UNC50: variants seen among roughly 807,000 people sequenced by gnomAD.
UNC50 encodes the protein unc-50 inner nuclear membrane RNA binding protein, also known as protein unc-50 homolog.
Under a neutral mutation model 31.5 loss-of-function variants are expected in UNC50, and 24 were observed. The observed-to-expected ratio is 0.76, with a 90% confidence interval of 0.55 to 1.07. The LOEUF is 1.07. Ranked by LOEUF, UNC50 falls within the 50% of genes least tolerant of loss-of-function variation. The pLI is 0.00. For synonymous variants in UNC50, 118 were observed against 114.7 expected, an observed-to-expected ratio of 1.03 and a Z score of -0.18; for missense variants, 245 against 304.2, an observed-to-expected ratio of 0.81 and a Z score of 1.45.
chr2:98,609,578 TCCCAAGC>T (rs1399053581), intron 1 of UNC50, 171 bp from the exon 2 acceptor site: 1 of 922,236 alleles, frequency 1.1e-6, no homozygotes, highest in Non-Finnish European at 1.7e-6. Flanking sequence ...AGTCTGCGGT[TCCCAAGC>T]CCCAAGACCC....
At chr2:98,611,432 A>G (rs1374609860) in intron 3 of UNC50, among the ~76,000 whole-genome samples, 1 of 152,220 alleles carries the variant, frequency 6.6e-6, no homozygotes, top group Admixed American at 6.5e-5. Context: ...TGTGAGAGGC[A>G]GGTACAGGAA....
intron 5 of UNC50, among the ~76,000 whole-genome samples, chr2:98,617,468 C>T (rs1259958627): frequency 6.6e-6 from 1 of 152,182 alleles, no homozygotes; most frequent in African/African-American, 2.4e-5. Flanking sequence ...AACACTGCAG[C>T]ACTGTGGTTT....
At chr2:98,611,246 G>A (rs1700823424) in intron 3 of UNC50, among the ~76,000 whole-genome samples, 1 of 152,156 alleles carries the variant, frequency 6.6e-6, no homozygotes, top group Non-Finnish European at 1.5e-5. Context: ...CAAGGTGGTC[G>A]GGGCACAGCT....
rs144190874 is a variant in UNC50 at position 98,611,206 on chromosome 2, C to T, written c.401+311C>T. Among the ~76,000 whole-genome samples the T allele has an allele frequency of 1.1e-4, 16 of 152,368 alleles. No homozygotes were observed. The East Asian group carries it at 2.7e-3, about 26-fold the overall frequency. Reference sequence around the variant, plus strand: ...CAAAGTTAAGGACATGCCTGTGACACAGCCTTAGGAGGTCCTGATGACATG... The same window carrying T: ...CAAAGTTAAGGACATGCCTGTGACATAGCCTTAGGAGGTCCTGATGACATG... On this transcript the variant is annotated intron_variant, in intron 3 of 5. Coordinates refer to ENST00000357765, the MANE Select transcript of UNC50 (RefSeq NM_014044.7).
chr2:98,618,139 A>AAATC (rs780397507), intron 5 of UNC50, 29 bp from the exon 6 acceptor site: 18 of 1,165,616 alleles, frequency 1.5e-5, no homozygotes, highest in East Asian at 1.5e-4. Context: ...TTTTTTTTTT[A>AAATC]AATCAGTTTG....
chr2:98,616,171 A>T, intron 3 of UNC50, 36 bp from the exon 4 acceptor site: 1 of 1,590,950 alleles, frequency 6.3e-7, no homozygotes, highest in Non-Finnish European at 8.6e-7. Flanking sequence ...TACAGAATTC[A>T]TTTTATTATG....
chr2:98,611,891 ATT>A (rs35827998), intron 3 of UNC50, among the ~76,000 whole-genome samples: 2 of 149,182 alleles, frequency 1.3e-5, no homozygotes, highest in African/African-American at 4.9e-5. Context: ...AAAAAGAAGG[ATT>A]TTTTTTTTAA....
At chr2:98,612,001 A>G (rs1700841456) in intron 3 of UNC50, among the ~76,000 whole-genome samples, 1 of 116,420 alleles carries the variant, frequency 8.6e-6, no homozygotes, top group Admixed American at 1.0e-4. Context: ...ACACACACAC[A>G]CGGGCTTTAT....
chr2:98,618,140 A>AAT lies in UNC50; in HGVS notation c.644-27_644-26dup. ...AGTCATTTATTTTTTTTTTTTTTTA[A>AAT]ATCAGTTTGGATTCCTTTCTTTTCC... is the stretch of plus-strand genomic sequence containing the variant. On this transcript the variant is annotated intron_variant, in intron 5 of 5. Transcript: ENST00000357765. 3 of 1,450,690 alleles carry AAT rather than the reference A, an allele frequency of 2.1e-6. No homozygotes were observed. In the African/African-American group the frequency reaches 4.4e-5, roughly 21 times the overall value. 89.9% of individuals were successfully genotyped at this position (1,450,690 alleles called of 1,614,324 possible). A position where few individuals can be genotyped will look rare whatever the true frequency, so the allele number is the denominator to read the frequency against.
Position 98,618,318 on chromosome 2 carries a change from G to T in UNC50, c.*14G>T. ...AGAGTGAAATAAAAAGTGAGAAGAA[G>T]ATTCAATCGTAACTGTGTCAACAGT... is the stretch of plus-strand genomic sequence containing the variant. On this transcript the variant is annotated 3_prime_UTR_variant, in exon 6 of 6. Transcript: ENST00000357765. 1 of 1,586,214 alleles carries T rather than the reference G, an allele frequency of 6.3e-7. No individual in the cohort carries two copies. The highest frequency in any genetic ancestry group is 8.5e-7 in the Non-Finnish European group (1 of 1,171,508).
intron 5 of UNC50, among the ~76,000 whole-genome samples, chr2:98,617,477 T>A (rs1482190818): frequency 6.6e-6 from 1 of 152,214 alleles, no homozygotes; most frequent in Non-Finnish European, 1.5e-5. Flanking sequence ...GCACTGTGGT[T>A]TCTCTAAGTG....
intron 5 of UNC50, among the ~76,000 whole-genome samples, chr2:98,617,246 T>C (rs1448067526): frequency 1.3e-5 from 2 of 152,216 alleles, no homozygotes; most frequent in East Asian, 3.8e-4. Context: ...TTCCTGTTAC[T>C]GTAGATGATT....
chr2:98,610,926 C>A, intron 3 of UNC50, 31 bp downstream of exon 3: 3 of 1,605,898 alleles, frequency 1.9e-6, no homozygotes, highest in Non-Finnish European at 2.6e-6. Context: ...TTTTCAGATA[C>A]TGCTGTAGCA....
chr2:98,613,177 C>G (rs1422617362), intron 3 of UNC50, among the ~76,000 whole-genome samples: 1 of 152,154 alleles, frequency 6.6e-6, no homozygotes, highest in Non-Finnish European at 1.5e-5. Flanking sequence ...ATATAAAATT[C>G]TAAAATCTGG....
Position 98,610,914 on chromosome 2 carries a change from GT to G in UNC50, c.401+24del, listed in dbSNP as rs1413564087. On this transcript the variant is annotated intron_variant, in intron 3 of 5. Coordinates refer to ENST00000357765, the MANE Select transcript of UNC50 (RefSeq NM_014044.7). ...TAATGTGGTAAGTACCATAACTTTG[GT>G]TTTTCAGATACTGCTGTAGCATCTC... The G allele has an allele frequency of 6.2e-7, 1 of 1,609,652 alleles. No individual in the cohort carries two copies. The highest frequency in any genetic ancestry group is 8.5e-7 in the Non-Finnish European group (1 of 1,178,338).
intron 5 of UNC50, 156 bp from the exon 6 acceptor site, chr2:98,618,012 G>T: frequency 1.3e-6 from 1 of 788,916 alleles, no homozygotes; most frequent in Non-Finnish European, 1.9e-6. Flanking sequence ...GGGAAGAGTA[G>T]TCTAGTTCTG....
chr2:98,618,212 G>A lies in UNC50; in HGVS notation c.688G>A (p.Ala230Thr). 1 of 1,605,364 alleles carries A rather than the reference G, an allele frequency of 6.2e-7. No homozygotes were observed. Among genetic ancestry groups the A allele is most frequent in the Non-Finnish European group, 8.5e-7 (1 of 1,177,286 alleles). ...TACAGTAATTCTTCTGTATCCATTT[G>A]CACCTCTGATTCTGCTCTACGGGCT... ...KNTVILLYPF[A>T]PLILLYGLSL... Residue 230 changes from alanine (A) to threonine (T), a missense_variant, in exon 6 of 6, where the codon GCA becomes ACA. Physicochemically the swap from Ala to Thr is moderately conservative, Grantham distance 58 (BLOSUM62 0). Transcript: ENST00000357765.
chr2:98,610,055 T>G lies in UNC50; in HGVS notation c.280+16T>G, dbSNP rs376091723. On this transcript the variant is annotated intron_variant, in intron 2 of 5. Transcript: ENST00000357765. Reference sequence around the variant, plus strand: ...TGGCTCTGTGGTAAGTGTGTTTATCTGAGATAGAATTGAACGCTGAGTGTT... The same window carrying G: ...TGGCTCTGTGGTAAGTGTGTTTATCGGAGATAGAATTGAACGCTGAGTGTT... The G allele has an allele frequency of 3.8e-6, 6 of 1,598,138 alleles. No homozygotes were observed. In the African/African-American group the frequency reaches 8.1e-5, roughly 22 times the overall value.
chr2:98,612,258 CTCT>C (rs1213171573), intron 3 of UNC50, among the ~76,000 whole-genome samples: 1 of 152,118 alleles, frequency 6.6e-6, no homozygotes, highest in Admixed American at 6.5e-5. Context: ...TAGTCCCAGT[CTCT>C]TCTTTTACAA....
Sources: gnomAD v4.1 joint callset for allele counts (sites outside exome capture counted in the v4.1 genomes callset) on GRCh38, gnomAD v4.1.1 for gene constraint, MANE v1.5 for transcripts, NCBI Gene and HGNC (gene_info 2026-07-23, HGNC 2026-07-21) for gene names.